The following NAALADL2 variants were observed in gnomAD, a reference collection of about 807,000 sequenced individuals.
NAALADL2 encodes the protein N-acetylated alpha-linked acidic dipeptidase like 2.
A neutral mutation model predicts 87.2 loss-of-function variants in NAALADL2; 76 were observed. The observed-to-expected ratio is 0.87, with a 90% CI of 0.72 to 1.05. The LOEUF is 1.05. Among genes scored for constraint, NAALADL2 ranks in the 50% least tolerant of loss-of-function variants. NAALADL2 has a pLI of 0.00. For synonymous variants in NAALADL2, 354 were observed against 331.0 expected (o/e 1.07, Z -0.75); for missense variants, 1,089 against 945.8 (o/e 1.15, Z -1.99).
intron 4 of NAALADL2, among the ~76,000 whole-genome samples, chr3:175,270,847 G>C (rs190743379): frequency 6.6e-6 from 1 of 152,216 alleles, no homozygotes; most frequent in East Asian, 1.9e-4. Flanking sequence ...TTACTGTGCT[G>C]TCAACAAAAT....
chr3:175,387,235 G>A (rs920488177), intron 5 of NAALADL2, among the ~76,000 whole-genome samples: 3 of 152,086 alleles, frequency 2.0e-5, no homozygotes, highest in African/African-American at 4.8e-5. Flanking sequence ...TGCGGTTTCA[G>A]GCATCCACTA....
chr3:174,600,856 C>T (rs1012193498), intron 2 of NAALADL2, among the ~76,000 whole-genome samples: 7 of 152,116 alleles, frequency 4.6e-5, no homozygotes, highest in Admixed American at 3.3e-4. Flanking sequence ...AATCTGCTCC[C>T]ATGATCCAGT....
At chr3:174,943,197 A>T (rs28883307) in intron 1 of NAALADL2, among the ~76,000 whole-genome samples, 6,267 of 152,254 alleles carry the variant, frequency 0.041, 438 homozygotes, top group African/African-American at 0.14. Context: ...GATGGAGTAC[A>T]GTCAGTAGAC....
chr3:175,643,418 G>A (rs1018831028), intron 11 of NAALADL2, among the ~76,000 whole-genome samples: 24 of 152,120 alleles, frequency 1.6e-4, no homozygotes, highest in South Asian at 4.1e-4. Flanking sequence ...ACTGGGTAAC[G>A]CCAAATTGCT....
intron 1 of NAALADL2, chr3:174,864,055 G>C (rs1431297648): frequency 6.6e-6 from 3 of 455,498 alleles, no homozygotes; most frequent in Non-Finnish European, 8.8e-6. Context: ...TTGGAGCAAA[G>C]AAAGTTGCTG....
chr3:175,492,088 G>C (rs1728179244), intron 9 of NAALADL2, among the ~76,000 whole-genome samples: 1 of 152,112 alleles, frequency 6.6e-6, no homozygotes, highest in Non-Finnish European at 1.5e-5. Context: ...TTCAATACAG[G>C]CATATAATAA....
chr3:175,758,245 G>A (rs1747531512), intron 13 of NAALADL2, among the ~76,000 whole-genome samples: 1 of 151,940 alleles, frequency 6.6e-6, no homozygotes, highest in African/African-American at 2.4e-5. Context: ...TGTCGATGGT[G>A]ATAATGTTCT....
chr3:175,630,386 C>G (rs190780355), intron 11 of NAALADL2, among the ~76,000 whole-genome samples: 2 of 151,566 alleles, frequency 1.3e-5, no homozygotes, highest in African/African-American at 4.8e-5. Flanking sequence ...TGCCCTTCCT[C>G]GCTAGGATTC....
At chr3:175,248,073 T>C (rs1052292946) in intron 3 of NAALADL2, among the ~76,000 whole-genome samples, 1 of 152,204 alleles carries the variant, frequency 6.6e-6, no homozygotes, top group Non-Finnish European at 1.5e-5. Context: ...TTCTACTGCC[T>C]TCTCTAGTAT....
At chr3:175,193,346 G>A (rs1406899420) in intron 2 of NAALADL2, among the ~76,000 whole-genome samples, 2 of 151,590 alleles carry the variant, frequency 1.3e-5, no homozygotes, top group Admixed American at 6.6e-5. Flanking sequence ...ATTTTAGAGG[G>A]TTTATCTCAA....
chr3:175,040,884 C>G (rs1290551915), intron 1 of NAALADL2, among the ~76,000 whole-genome samples: 1 of 152,138 alleles, frequency 6.6e-6, no homozygotes, highest in Non-Finnish European at 1.5e-5. Flanking sequence ...CATGCATCAA[C>G]TCAGAGTCCA....
chr3:174,676,273 A>G (rs1206394343), intron 2 of NAALADL2, among the ~76,000 whole-genome samples: 1 of 152,120 alleles, frequency 6.6e-6, no homozygotes, highest in Non-Finnish European at 1.5e-5. Context: ...GTGTGGGAAC[A>G]CTGGCCGCTT....
At chr3:174,537,166 A>G (rs1578116212) in intron 1 of NAALADL2, among the ~76,000 whole-genome samples, 1 of 152,188 alleles carries the variant, frequency 6.6e-6, no homozygotes, top group Non-Finnish European at 1.5e-5. Flanking sequence ...AAGCAATTCT[A>G]TGTATTGTAG....
chr3:174,889,279 T>A (rs1372936678), intron 1 of NAALADL2, among the ~76,000 whole-genome samples: 1 of 152,224 alleles, frequency 6.6e-6, no homozygotes, highest in African/African-American at 2.4e-5. Flanking sequence ...TACTTTAAAC[T>A]GCTGTTAGTC....
At chr3:174,532,468 A>G (rs961474249) in intron 1 of NAALADL2, among the ~76,000 whole-genome samples, 1 of 152,190 alleles carries the variant, frequency 6.6e-6, no homozygotes, top group Non-Finnish European at 1.5e-5. Flanking sequence ...TTTAGGAGTA[A>G]GAGGGACAAA....
chr3:175,590,393 A>C (rs1488470521), intron 10 of NAALADL2, among the ~76,000 whole-genome samples: 1 of 151,620 alleles, frequency 6.6e-6, no homozygotes, highest in Admixed American at 6.6e-5. Flanking sequence ...CTGGAAATAA[A>C]TATAGTAACA....
chr3:174,863,899 GC>G (rs1726823319), intron 1 of NAALADL2: 1 of 339,750 alleles, frequency 2.9e-6, no homozygotes, highest in Non-Finnish European at 5.7e-6. Flanking sequence ...GCTTTCACTA[GC>G]CCTTCATGAT....
intron 13 of NAALADL2, chr3:175,773,690 T>TTGC: frequency 6.6e-6 from 1 of 152,250 alleles, no homozygotes; most frequent in South Asian, 2.1e-4. Flanking sequence ...AGAAAAACGT[T>TTGC]TGCTGAGAGA....
At chr3:174,570,132 T>C (rs180732408) in intron 2 of NAALADL2, among the ~76,000 whole-genome samples, 4 of 152,276 alleles carry the variant, frequency 2.6e-5, no homozygotes, top group Admixed American at 2.6e-4. Context: ...ATCATAGTGT[T>C]GCACTGCTTG....
Sources: gnomAD v4.1 joint callset for allele counts (sites outside exome capture counted in the v4.1 genomes callset) on GRCh38, gnomAD v4.1.1 for gene constraint, MANE v1.5 for transcripts, NCBI Gene and HGNC (gene_info 2026-07-23, HGNC 2026-07-21) for gene names.